Variants in PLD5 observed in about 807,000 individuals in gnomAD.
PLD5 encodes the protein inactive phospholipase D5.
Under a neutral mutation model 61.1 loss-of-function variants are expected in PLD5, and 36 were observed. That is an observed-to-expected ratio of 0.59 (90% CI 0.45 to 0.78). The LOEUF is 0.78. Ranked by LOEUF, PLD5 falls within the 30% of genes least tolerant of loss-of-function variation. PLD5 has a pLI of 0.00. For synonymous variants in PLD5, 243 were observed against 242.8 expected (o/e 1.00, Z -0.01); for missense variants, 515 against 644.4 (o/e 0.80, Z 2.17).
chr1:242,164,464 G>A (rs977880161), intron 5 of PLD5, among the ~76,000 whole-genome samples: 6 of 152,104 alleles, frequency 3.9e-5, no homozygotes, highest in South Asian at 4.2e-4. Flanking sequence ...ATTCACTGAC[G>A]GGCCATGTTA....
chr1:242,132,280 G>A (rs574196979), intron 5 of PLD5, among the ~76,000 whole-genome samples: 4 of 140,744 alleles, frequency 2.8e-5, no homozygotes, highest in Non-Finnish European at 6.1e-5. Context: ...TATTAGTGAT[G>A]CGGAAACCAG....
At chr1:242,134,227 G>A (rs1663526663) in intron 5 of PLD5, among the ~76,000 whole-genome samples, 1 of 152,184 alleles carries the variant, frequency 6.6e-6, no homozygotes, top group Non-Finnish European at 1.5e-5. Context: ...TATTTAGGAA[G>A]AGATGAAATA....
chr1:242,241,910 T>TATATATATATATATATATATAC (rs1210639780), intron 4 of PLD5, among the ~76,000 whole-genome samples: 1 of 50,402 alleles, frequency 2.0e-5, no homozygotes, highest in African/African-American at 8.1e-5. Flanking sequence ...TATATATATA[T>TATATATATATATATATATATAC]ACTTACTGTA....
At chr1:242,122,917 A>T (rs979865529) in intron 6 of PLD5, among the ~76,000 whole-genome samples, 27 of 152,246 alleles carry the variant, frequency 1.8e-4, no homozygotes, top group African/African-American at 6.3e-4. Context: ...TTGTTGGCAT[A>T]AAAGCACCAA....
At chr1:242,461,533 C>T (rs1240859948) in intron 1 of PLD5, among the ~76,000 whole-genome samples, 2 of 152,196 alleles carry the variant, frequency 1.3e-5, no homozygotes, top group Non-Finnish European at 2.9e-5. Flanking sequence ...ATATATATTT[C>T]TCAACCTGTC....
chr1:242,527,059 A>G (rs543961309), upstream of PLD5, among the ~76,000 whole-genome samples: 14 of 148,794 alleles, frequency 9.4e-5, 1 homozygote, highest in South Asian at 3.0e-3. Context: ...TTTTTTTTAA[A>G]CTATACCTTT....
At chr1:242,160,275 C>T (rs561640836) in intron 5 of PLD5, among the ~76,000 whole-genome samples, 3 of 152,272 alleles carry the variant, frequency 2.0e-5, no homozygotes, top group Non-Finnish European at 4.4e-5. Flanking sequence ...CCCACCTCAG[C>T]CTCTCAAAGC....
intron 1 of PLD5, among the ~76,000 whole-genome samples, chr1:242,470,378 GAAAAA>G (rs796211716): frequency 7.1e-4 from 44 of 62,238 alleles, no homozygotes; most frequent in African/African-American, 2.8e-3. Context: ...AAGAAAGAAA[GAAAAA>G]AAAGAAAGAA....
chr1:242,237,317 GA>G (rs60100352), intron 4 of PLD5, among the ~76,000 whole-genome samples: 7 of 149,168 alleles, frequency 4.7e-5, no homozygotes, highest in Admixed American at 1.3e-4. Flanking sequence ...AATGAGTTAA[GA>G]AAAAAAAAAC....
At chr1:242,430,005 T>C (rs1665632523) in intron 1 of PLD5, among the ~76,000 whole-genome samples, 2 of 152,202 alleles carry the variant, frequency 1.3e-5, no homozygotes, top group East Asian at 3.8e-4. Flanking sequence ...GCATTAGCCA[T>C]GCATCAGGCC....
At chr1:242,189,445 C>CAAAAAAA (rs58476673) in intron 5 of PLD5, among the ~76,000 whole-genome samples, 1 of 70,436 alleles carries the variant, frequency 1.4e-5, no homozygotes, top group African/African-American at 4.5e-5. Flanking sequence ...GACTCCATCT[C>CAAAAAAA]AAAAAAAAAA....
intron 5 of PLD5, among the ~76,000 whole-genome samples, chr1:242,125,881 G>A (rs1006319692): frequency 2.0e-5 from 3 of 152,110 alleles, no homozygotes; most frequent in Admixed American, 6.6e-5. Context: ...TCGATTTCCA[G>A]CTTCATGGTA....
At position 242,083,750 on chromosome 1, in the gene PLD5, T is replaced by C. The variant is rs369259941; in HGVS notation, c.*6104A>G. The stretch of plus-strand genomic sequence containing the variant: ...AGATTACGCTCTGATTTGAATGTTA[T>C]TGGATCATATTTTCTGAGTTGTCTT... On this transcript the variant is annotated 3_prime_UTR_variant, in exon 10 of 10. Transcript: ENST00000536534. 6.6e-6 allele frequency: 1 copy of C among 152,242 alleles called. No homozygotes were observed. Among genetic ancestry groups the C allele is most frequent in the African/African-American group, 2.4e-5 (1 of 41,470 alleles). 9.4% of individuals were successfully genotyped at this position (152,242 alleles called of 1,614,324 possible).
intron 5 of PLD5, among the ~76,000 whole-genome samples, chr1:242,203,341 G>C (rs1450795415): frequency 6.6e-6 from 1 of 152,074 alleles, no homozygotes; most frequent in Non-Finnish European, 1.5e-5. Context: ...TCCCATTCCT[G>C]TCCCTGCCTG....
intron 1 of PLD5, among the ~76,000 whole-genome samples, chr1:242,371,477 C>T (rs1388618247): frequency 2.0e-5 from 3 of 152,064 alleles, no homozygotes; most frequent in Non-Finnish European, 4.4e-5. Context: ...ATCAAAACAC[C>T]TTTCCCTATC....
intron 4 of PLD5, 119 bp downstream of exon 4, chr1:242,265,218 G>C (rs1372750642): frequency 8.1e-7 from 1 of 1,235,370 alleles, no homozygotes; most frequent in East Asian, 3.1e-5. Flanking sequence ...AGATGTAAAT[G>C]TACTATGTAC....
At chr1:242,254,052 G>C (rs1672871240) in intron 4 of PLD5, among the ~76,000 whole-genome samples, 4 of 152,158 alleles carry the variant, frequency 2.6e-5, no homozygotes, top group Admixed American at 2.0e-4. Flanking sequence ...AAACAAACCA[G>C]CTGCATTCCC....
chr1:242,342,839 T>C (rs959394691), intron 2 of PLD5, among the ~76,000 whole-genome samples: 6 of 152,158 alleles, frequency 3.9e-5, no homozygotes, highest in Middle Eastern at 3.2e-3. Context: ...AAAATAAGTT[T>C]AGAGCCTTTG....
intron 2 of PLD5, among the ~76,000 whole-genome samples, chr1:242,320,267 G>A (rs1658302288): frequency 6.6e-6 from 1 of 152,208 alleles, no homozygotes; most frequent in Admixed American, 6.5e-5. Context: ...GTTGAACAGT[G>A]CAACATGAAG....
Sources: allele counts gnomAD v4.1 joint callset (sites outside exome capture counted in the v4.1 genomes callset), GRCh38; gene constraint gnomAD v4.1.1; transcripts MANE v1.5; gene names NCBI Gene and HGNC (gene_info 2026-07-23, HGNC 2026-07-21).